The following TNFRSF13B variants were observed in gnomAD, a reference collection of about 807,000 sequenced individuals.
TNFRSF13B encodes the protein TNF receptor superfamily member 13B.
In TNFRSF13B, 34 loss-of-function variants were observed where a neutral mutation model predicts 24.0. The observed-to-expected ratio is 1.41, with a 90% confidence interval of 1.08 to 1.88. TNFRSF13B has a LOEUF of 1.88. Ranked by LOEUF, TNFRSF13B falls within the 40% of genes most tolerant of loss-of-function variation. The pLI is 0.00. For synonymous variants in TNFRSF13B, 173 were observed against 150.3 expected (o/e 1.15, Z -1.10); for missense variants, 415 against 380.8 (o/e 1.09, Z -0.75).
chr17:16,940,168 G>T, intron 4 of TNFRSF13B, 158 bp downstream of exon 4: 3 of 1,515,836 alleles, frequency 2.0e-6, no homozygotes, highest in Non-Finnish European at 2.6e-6. Context: ...CTGTCTGCCA[G>T]GATGTCTTAA....
At chr17:16,954,804 C>T (rs959383335) in intron 1 of TNFRSF13B, among the ~76,000 whole-genome samples, 3 of 152,196 alleles carry the variant, frequency 2.0e-5, no homozygotes, top group African/African-American at 7.2e-5. Context: ...GTGCCAGTCC[C>T]TCACCCACCC....
chr17:16,943,725 C>T (rs2087527540), intron 3 of TNFRSF13B, among the ~76,000 whole-genome samples: 1 of 152,204 alleles, frequency 6.6e-6, no homozygotes, highest in Admixed American at 6.5e-5. Context: ...GCCCCTGAAT[C>T]CTTGCTCTTC....
chr17:16,943,968 C>G (rs763776761), intron 3 of TNFRSF13B, among the ~76,000 whole-genome samples: 37 of 152,216 alleles, frequency 2.4e-4, no homozygotes, highest in Admixed American at 3.9e-4. Context: ...AGTCTCCTCT[C>G]CTGCTCAACA....
intron 1 of TNFRSF13B, among the ~76,000 whole-genome samples, chr17:16,964,689 A>G (rs1170969885): frequency 6.6e-6 from 1 of 152,070 alleles, no homozygotes; most frequent in Non-Finnish European, 1.5e-5. Context: ...TCCTGGGAAA[A>G]CTGGTCAAGT....
intron 3 of TNFRSF13B, chr17:16,941,600 A>AC: frequency 1.0e-6 from 1 of 984,918 alleles, no homozygotes; most frequent in Non-Finnish European, 1.2e-6. Flanking sequence ...GCAGACAACT[A>AC]CCCCCATTAA....
At chr17:16,962,534 AAAAG>A (rs968394840) in intron 1 of TNFRSF13B, among the ~76,000 whole-genome samples, 13 of 152,104 alleles carry the variant, frequency 8.5e-5, no homozygotes, top group Admixed American at 3.9e-4. Context: ...AAAGAAAAAA[AAAAG>A]AAAGGAAAAG....
intron 1 of TNFRSF13B, among the ~76,000 whole-genome samples, chr17:16,962,858 G>A (rs560569690): frequency 2.6e-4 from 39 of 152,274 alleles, no homozygotes; most frequent in Non-Finnish European, 2.6e-4. Context: ...ACCGGGGGCC[G>A]GGGGAGGGGA....
chr17:16,949,081 G>C, intron 2 of TNFRSF13B, 98 bp from the exon 3 acceptor site: 1 of 1,515,304 alleles, frequency 6.6e-7, no homozygotes, highest in Non-Finnish European at 9.1e-7. Context: ...AAAAAATACA[G>C]TAAAATTCCA....
rs182749199 is a variant in TNFRSF13B at position 16,955,113 on chromosome 17, A to G, written c.62-2530T>C. On this transcript the variant is annotated intron_variant, in intron 1 of 4. Coordinates refer to ENST00000261652, the MANE Select transcript of TNFRSF13B (RefSeq NM_012452.3). Reference sequence around the variant, plus strand: ...AATGTCCAAGTCCCTGCCTGATCCCACTGGGGCAAAGCTTCTACGTCAGTG... The same window carrying G: ...AATGTCCAAGTCCCTGCCTGATCCCGCTGGGGCAAAGCTTCTACGTCAGTG... Among the ~76,000 whole-genome samples the G allele has an allele frequency of 2.0e-5, 3 of 152,336 alleles. No homozygotes were observed. In the East Asian group the frequency reaches 5.8e-4, roughly 29 times the overall value.
chr17:16,950,059 G>A (rs2087578174), intron 2 of TNFRSF13B, among the ~76,000 whole-genome samples: 1 of 152,028 alleles, frequency 6.6e-6, no homozygotes, highest in African/African-American at 2.4e-5. Flanking sequence ...TTAGAGTAAG[G>A]TATGGCTTTT....
intron 3 of TNFRSF13B, among the ~76,000 whole-genome samples, chr17:16,944,238 T>C (rs901022554): frequency 5.9e-5 from 9 of 152,224 alleles, no homozygotes; most frequent in Non-Finnish European, 1.0e-4. Context: ...GGCACAGTTC[T>C]CTGCTCCTAG....
At chr17:16,969,711 G>A (rs1396115144) in intron 1 of TNFRSF13B, among the ~76,000 whole-genome samples, 1 of 152,286 alleles carries the variant, frequency 6.6e-6, no homozygotes, top group Middle Eastern at 3.4e-3. Context: ...CTTATTCTAG[G>A]GGAGGTGGGA....
chr17:16,959,922 C>T (rs2087650181), intron 1 of TNFRSF13B, among the ~76,000 whole-genome samples: 1 of 152,094 alleles, frequency 6.6e-6, no homozygotes, highest in Non-Finnish European at 1.5e-5. Flanking sequence ...TTCTGAAACT[C>T]TTCCCAAAAA....
At chr17:16,961,940 G>T (rs2087665209) in intron 1 of TNFRSF13B, among the ~76,000 whole-genome samples, 1 of 152,154 alleles carries the variant, frequency 6.6e-6, no homozygotes, top group Non-Finnish European at 1.5e-5. Flanking sequence ...AAAAACCACG[G>T]GTAGAACAGG....
intron 4 of TNFRSF13B, 140 bp from the exon 5 acceptor site, chr17:16,939,937 G>C: frequency 8.2e-7 from 1 of 1,222,364 alleles, no homozygotes; most frequent in South Asian, 1.6e-5. Flanking sequence ...ACAGGTGTCA[G>C]TGTCCGCCAG....
chr17:16,945,735 C>T (rs2143651021), intron 3 of TNFRSF13B, among the ~76,000 whole-genome samples: 1 of 152,322 alleles, frequency 6.6e-6, no homozygotes, highest in Admixed American at 6.5e-5. Flanking sequence ...ATCTGCACTT[C>T]TTCCCCTCAG....
chr17:16,948,340 A>C (rs1360995063), intron 3 of TNFRSF13B, among the ~76,000 whole-genome samples: 1 of 152,226 alleles, frequency 6.6e-6, no homozygotes, highest in Admixed American at 6.5e-5. Flanking sequence ...GGATCTAAAA[A>C]AAAAAGTTGA....
At chr17:16,970,681 G>T (rs961304825) in intron 1 of TNFRSF13B, among the ~76,000 whole-genome samples, 1 of 117,122 alleles carries the variant, frequency 8.5e-6, no homozygotes, top group Non-Finnish European at 1.8e-5. Context: ...GTGGACAACC[G>T]GCCAGGGCTG....
At chr17:16,967,592 T>C (rs1349303321) in intron 1 of TNFRSF13B, among the ~76,000 whole-genome samples, 1 of 142,868 alleles carries the variant, frequency 7.0e-6, no homozygotes, top group African/African-American at 2.6e-5. Context: ...TAAAAATATA[T>C]AAAAAAAAAA....
Sources: allele counts gnomAD v4.1 joint callset (sites outside exome capture counted in the v4.1 genomes callset), GRCh38; gene constraint gnomAD v4.1.1; transcripts MANE v1.5; gene names NCBI Gene and HGNC (gene_info 2026-07-23, HGNC 2026-07-21).